SORCS3: variants seen among roughly 807,000 people sequenced by gnomAD.
SORCS3 encodes the protein sortilin related VPS10 domain containing receptor 3.
In SORCS3, 57 loss-of-function variants were observed where a neutral mutation model predicts 146.3. That is an observed-to-expected ratio of 0.39 (90% confidence interval 0.31 to 0.49). The LOEUF (loss-of-function observed/expected upper bound fraction) is 0.49, where lower values mean the gene tolerates loss of function less well. SORCS3 is among the 20% of genes least tolerant of loss of function. SORCS3 has a pLI of 0.92. For missense variants in SORCS3, 1,341 were observed against 1,575.5 expected (o/e 0.85, Z 2.52); for synonymous variants, 653 against 618.5 (o/e 1.06, Z -0.83).
intron 6 of SORCS3, among the ~76,000 whole-genome samples, chr10:105,098,325 A>G (rs1011239272): frequency 1.3e-5 from 2 of 152,184 alleles, no homozygotes; most frequent in Admixed American, 6.6e-5. Context: ...ATTGTCTTTG[A>G]TAGAAGGATT....
chr10:104,746,371 C>T (rs1006217504), intron 1 of SORCS3, among the ~76,000 whole-genome samples: 4 of 152,110 alleles, frequency 2.6e-5, no homozygotes, highest in Admixed American at 6.6e-5. Flanking sequence ...CTCCTGACCT[C>T]GTGATCCGCC....
At chr10:105,032,021 C>T (rs939873974) in intron 4 of SORCS3, among the ~76,000 whole-genome samples, 13 of 152,090 alleles carry the variant, frequency 8.5e-5, no homozygotes, top group South Asian at 2.1e-4. Flanking sequence ...GGAGAAACCC[C>T]GTCTGTACTA....
intron 2 of SORCS3, among the ~76,000 whole-genome samples, chr10:104,884,306 C>T (rs985110025): frequency 6.6e-6 from 1 of 152,178 alleles, no homozygotes; most frequent in Non-Finnish European, 1.5e-5. Context: ...TCCTCAACCA[C>T]GTCGAGACTG....
chr10:105,101,816 A>G (rs2055787158), intron 6 of SORCS3, among the ~76,000 whole-genome samples: 1 of 152,220 alleles, frequency 6.6e-6, no homozygotes, highest in Non-Finnish European at 1.5e-5. Flanking sequence ...GCTTTCTGAG[A>G]CACTGGCTGG....
At chr10:104,870,789 C>A (rs915198559) in intron 2 of SORCS3, among the ~76,000 whole-genome samples, 6 of 152,184 alleles carry the variant, frequency 3.9e-5, no homozygotes, top group Non-Finnish European at 5.9e-5. Flanking sequence ...ATCCCACACT[C>A]TCTTATTCTC....
chr10:105,138,368 T>A (rs1305116886), intron 7 of SORCS3, among the ~76,000 whole-genome samples: 3 of 152,122 alleles, frequency 2.0e-5, no homozygotes, highest in Non-Finnish European at 4.4e-5. Flanking sequence ...AAGTTACAGC[T>A]CTTCTGCTCC....
At chr10:105,146,988 C>A (rs118109804) in intron 8 of SORCS3, among the ~76,000 whole-genome samples, 1 of 152,080 alleles carries the variant, frequency 6.6e-6, no homozygotes, top group Admixed American at 6.6e-5. Flanking sequence ...GTATCCTTTT[C>A]TCTATATCAG....
intron 1 of SORCS3, among the ~76,000 whole-genome samples, chr10:104,735,655 G>A (rs2016762793): frequency 6.6e-6 from 1 of 151,858 alleles, no homozygotes; most frequent in African/African-American, 2.4e-5. Context: ...GGAAATTAAT[G>A]AAAGCGGCTG....
At chr10:105,201,285 AACCAGGTCTTC>A (rs1307791394) in intron 16 of SORCS3, 32 bp downstream of exon 16, 2 of 1,593,078 alleles carry the variant, frequency 1.3e-6, no homozygotes, top group East Asian at 4.5e-5. Flanking sequence ...TACCAATTCC[AACCAGGTCTTC>A]ACCTGTCTGT....
At chr10:104,681,559 C>T (rs2015975402) in intron 1 of SORCS3, among the ~76,000 whole-genome samples, 1 of 152,170 alleles carries the variant, frequency 6.6e-6, no homozygotes, top group East Asian at 1.9e-4. Flanking sequence ...TGCACTCTAG[C>T]CCTGTGTGGC....
At chr10:105,222,308 T>G (rs2056708605) in intron 19 of SORCS3, among the ~76,000 whole-genome samples, 1 of 152,096 alleles carries the variant, frequency 6.6e-6, no homozygotes, top group African/African-American at 2.4e-5. Flanking sequence ...TCCACCCACC[T>G]CAGCCTCCCA....
intron 3 of SORCS3, among the ~76,000 whole-genome samples, chr10:104,958,526 G>A (rs1347849394): frequency 6.6e-6 from 1 of 152,162 alleles, no homozygotes; most frequent in African/African-American, 2.4e-5. Context: ...TCTAGAGAAT[G>A]GGAAAGAGGG....
At position 104,856,665 on chromosome 10, in the gene SORCS3, C is replaced by T. The variant is rs1004638233; in HGVS notation, c.695+13806C>T. Among the ~76,000 whole-genome samples, 3 of 145,558 alleles carry T rather than the reference C, an allele frequency of 2.1e-5. No individual in the cohort carries two copies. The Admixed American group carries it at 2.1e-4, about 10-fold the overall frequency. ...AGGCATATATATAAATTATTTCTTG[C>T]AGAATGTCATATAACAGTGGTCTCT... On this transcript the variant is annotated intron_variant, in intron 2 of 26. Coordinates refer to ENST00000369701, the MANE Select transcript of SORCS3 (RefSeq NM_014978.3).
intron 1 of SORCS3, among the ~76,000 whole-genome samples, chr10:104,693,347 G>A (rs2016136543): frequency 6.6e-6 from 1 of 152,150 alleles, no homozygotes; most frequent in Non-Finnish European, 1.5e-5. Context: ...CACACCATGG[G>A]AGCTGTGAAA....
At chr10:105,238,512 T>C (rs1030675557) in intron 20 of SORCS3, among the ~76,000 whole-genome samples, 6 of 152,002 alleles carry the variant, frequency 3.9e-5, no homozygotes, top group Non-Finnish European at 8.8e-5. Context: ...GGGATTTTTG[T>C]GTGGAGGTCA....
chr10:104,837,930 A>G (rs2496015), intron 1 of SORCS3, among the ~76,000 whole-genome samples: 127,050 of 152,148 alleles, frequency 0.84, 53,526 homozygotes, highest in East Asian at 0.97. Context: ...GACAGGCATG[A>G]GCAGAAATGC....
intron 11 of SORCS3, 85 bp downstream of exon 11, chr10:105,159,079 T>G (rs922688838): frequency 1.1e-5 from 10 of 944,158 alleles, no homozygotes; most frequent in Non-Finnish European, 1.6e-5. Context: ...TGGACTCACT[T>G]GAGCATCAGA....
At chr10:105,075,821 C>T (rs1166503981) in intron 5 of SORCS3, among the ~76,000 whole-genome samples, 1 of 152,148 alleles carries the variant, frequency 6.6e-6, no homozygotes, top group Non-Finnish European at 1.5e-5. Flanking sequence ...CCAGCCCCAG[C>T]AACCTCTTCA....
intron 5 of SORCS3, among the ~76,000 whole-genome samples, chr10:105,050,680 G>T (rs1273888137): frequency 6.6e-6 from 1 of 152,128 alleles, no homozygotes; most frequent in African/African-American, 2.4e-5. Context: ...CAGAAACAGT[G>T]AGACAATACG....
Sources: allele counts gnomAD v4.1 joint callset (sites outside exome capture counted in the v4.1 genomes callset), GRCh38; gene constraint gnomAD v4.1.1; transcripts MANE v1.5; gene names NCBI Gene and HGNC (gene_info 2026-07-23, HGNC 2026-07-21).